The following PCDH11X variants were observed in gnomAD, a reference collection of about 807,000 sequenced individuals.
The protein encoded by PCDH11X is protocadherin-11 X-linked.
A neutral mutation model predicts 53.3 loss-of-function variants in PCDH11X; 18 were observed. The ratio of observed to expected loss-of-function variants is 0.34; its 90% CI spans 0.23 to 0.50. PCDH11X has a LOEUF of 0.50. Among genes scored for constraint, PCDH11X ranks in the 20% least tolerant of loss-of-function variants. The probability of loss-of-function intolerance (pLI) is 0.98; values close to 1 mark genes in which losing one functional copy is unlikely to be tolerated. For synonymous variants in PCDH11X, 279 were observed against 393.3 expected, an observed-to-expected ratio of 0.71 and a Z score of 3.44; for missense variants, 570 against 1,032.4, an observed-to-expected ratio of 0.55 and a Z score of 6.14.
chrX:91,866,518 G>A (rs1327994225), intron 5 of PCDH11X, among the ~76,000 whole-genome samples: 1 of 111,409 alleles, frequency 9.0e-6, no homozygotes, highest in African/African-American at 3.3e-5. Context: ...TAACAGAACA[G>A]CACTGAGTTC....
intron 8 of PCDH11X, among the ~76,000 whole-genome samples, chrX:92,299,591 G>T (rs1172861096): frequency 9.0e-6 from 1 of 111,626 alleles, no homozygotes; most frequent in Non-Finnish European, 1.9e-5. Context: ...TTTAGTTTGT[G>T]TGCATACATA....
At chrX:92,151,487 C>T (rs1335049166) in intron 6 of PCDH11X, among the ~76,000 whole-genome samples, 2 of 111,555 alleles carry the variant, frequency 1.8e-5, no homozygotes, top group Admixed American at 9.6e-5. Context: ...CCACCACGCC[C>T]GGCCTAGAAT....
At chrX:91,781,066 G>C (rs2147503280) in intron 1 of PCDH11X, among the ~76,000 whole-genome samples, 1 of 112,407 alleles carries the variant, frequency 8.9e-6, no homozygotes, top group East Asian at 2.8e-4. Context: ...TGCAAAATGT[G>C]GGCTGGGGGC....
Position 92,008,530 on chromosome X carries a change from G to T in PCDH11X, c.3033+129257G>T, listed in dbSNP as rs779433666. 1.3e-4 allele frequency among the ~76,000 whole-genome samples: 14 copies of T among 110,568 alleles called. No individual in the cohort carries two copies. In the East Asian group the frequency reaches 4.0e-3, roughly 32 times the overall value. On this transcript the variant is annotated intron_variant, in intron 6 of 10. Transcript: ENST00000682573. The stretch of plus-strand genomic sequence containing the variant: ...CCGAGGTGGGGGAGTGGTAGCATCG[G>T]TAATTCTACAGGGTTTATTTCTTCA...
intron 9 of PCDH11X, among the ~76,000 whole-genome samples, chrX:92,389,665 T>C (rs745571015): frequency 9.0e-6 from 1 of 111,058 alleles, no homozygotes; most frequent in South Asian, 3.7e-4. Flanking sequence ...GTGTCAGAAA[T>C]AGTAAAACAT....
intron 10 of PCDH11X, among the ~76,000 whole-genome samples, chrX:92,535,264 A>G (rs890872945): frequency 4.5e-5 from 5 of 112,017 alleles, no homozygotes; most frequent in African/African-American, 6.5e-5. Flanking sequence ...ACGACATGCA[A>G]TCAACCTACA....
intron 6 of PCDH11X, among the ~76,000 whole-genome samples, chrX:92,163,615 G>A (rs1178938202): frequency 9.0e-6 from 1 of 111,527 alleles, no homozygotes; most frequent in Non-Finnish European, 1.9e-5. Context: ...AGGTTCCCCA[G>A]TGAGGGCGTG....
intron 8 of PCDH11X, among the ~76,000 whole-genome samples, chrX:92,290,376 G>A (rs2068466910): frequency 9.0e-6 from 1 of 111,406 alleles, no homozygotes; most frequent in Admixed American, 9.6e-5. Flanking sequence ...CCAGAAAGGA[G>A]CAATTGACTT....
At chrX:92,023,411 G>A (rs1162039969) in intron 6 of PCDH11X, among the ~76,000 whole-genome samples, 13 of 109,104 alleles carry the variant, frequency 1.2e-4, no homozygotes, top group African/African-American at 4.0e-4. Flanking sequence ...CTAGCAAACC[G>A]AGAAGAAATG....
At chrX:92,185,053 G>A (rs1004306527) in intron 6 of PCDH11X, among the ~76,000 whole-genome samples, 18 of 110,554 alleles carry the variant, frequency 1.6e-4, no homozygotes, top group African/African-American at 2.3e-4. Context: ...TATCGGCAGC[G>A]TCCCTTTTGC....
intron 6 of PCDH11X, among the ~76,000 whole-genome samples, chrX:92,101,417 C>T (rs1391675830): frequency 9.0e-6 from 1 of 111,404 alleles, no homozygotes; most frequent in Non-Finnish European, 1.9e-5. Context: ...ATTGTCCAGT[C>T]CTTTTTGGTG....
At chrX:92,490,730 G>A (rs546108955) in intron 10 of PCDH11X, among the ~76,000 whole-genome samples, 1 of 87,606 alleles carries the variant, frequency 1.1e-5, no homozygotes, top group Non-Finnish European at 2.2e-5. Context: ...GAAAGAAAGA[G>A]AGAAAGAGAG....
chrX:92,422,394 G>T (rs71202938), intron 9 of PCDH11X, among the ~76,000 whole-genome samples: 1,433 of 109,609 alleles, frequency 0.013, 20 homozygotes, highest in Non-Finnish European at 0.02. Context: ...TCCCAGTTAT[G>T]AGTGAGAAAA....
chrX:92,384,371 GTTAGT>G (rs1376531092), intron 8 of PCDH11X, among the ~76,000 whole-genome samples: 1 of 111,226 alleles, frequency 9.0e-6, no homozygotes, highest in Non-Finnish European at 1.9e-5. Flanking sequence ...CAATGTTTTA[GTTAGT>G]TTATTTACAA....
intron 8 of PCDH11X, among the ~76,000 whole-genome samples, chrX:92,346,557 A>C (rs188749805): frequency 8.9e-6 from 1 of 111,834 alleles, no homozygotes; most frequent in Non-Finnish European, 1.9e-5. Context: ...TTGTATTAAA[A>C]TTTTACAAGC....
chrX:92,568,124 T>C (rs1209754055), intron 10 of PCDH11X, among the ~76,000 whole-genome samples: 1 of 109,126 alleles, frequency 9.2e-6, no homozygotes, highest in African/African-American at 3.3e-5. Flanking sequence ...CTCAATACAC[T>C]ACAAAAATTT....
Position 92,241,623 on chromosome X carries a change from A to C in PCDH11X, c.3115-21491A>C, listed in dbSNP as rs750662923. On this transcript the variant is annotated intron_variant, in intron 7 of 10. Transcript: ENST00000682573. ...GCTAATCATTTGTTAAAACTGTAAA[A>C]AGTGGACATTCCTCTCAGTGAATGT... Among the ~76,000 whole-genome samples the C allele has an allele frequency of 2.0e-3, 227 of 112,009 alleles. 1 individual carries two copies. The highest frequency in any genetic ancestry group is 7.1e-3 in the African/African-American group (218 of 30,848).
At chrX:91,882,206 T>C (rs1602420568) in intron 6 of PCDH11X, among the ~76,000 whole-genome samples, 1 of 111,163 alleles carries the variant, frequency 9.0e-6, no homozygotes, top group African/African-American at 3.3e-5. Context: ...CGTTTCTACA[T>C]GTATTATGGA....
At chrX:92,605,656 A>ATT (rs1926713726) in intron 10 of PCDH11X, among the ~76,000 whole-genome samples, 1 of 111,995 alleles carries the variant, frequency 8.9e-6, no homozygotes, top group Non-Finnish European at 1.9e-5. Context: ...TATATTAAAA[A>ATT]TTGAGTGTAT....
Sources: allele counts gnomAD v4.1 joint callset (sites outside exome capture counted in the v4.1 genomes callset), GRCh38; gene constraint gnomAD v4.1.1; transcripts MANE v1.5; gene names NCBI Gene and HGNC (gene_info 2026-07-23, HGNC 2026-07-21).